Variants in RASGEF1C observed in about 807,000 individuals in gnomAD.
RASGEF1C encodes the protein RasGEF domain family member 1C, also known as ras-GEF domain-containing family member 1C.
In RASGEF1C, 27 loss-of-function variants were observed where a neutral mutation model predicts 58.1. The observed-to-expected ratio is 0.46, with a 90% CI of 0.34 to 0.64. The LOEUF (loss-of-function observed/expected upper bound fraction) is 0.64, where lower values mean the gene tolerates loss of function less well. RASGEF1C is among the 30% of genes least tolerant of loss of function. RASGEF1C has a pLI of 0.01. For missense variants in RASGEF1C, 502 were observed against 605.1 expected, an observed-to-expected ratio of 0.83 and a Z score of 1.79; for synonymous variants, 243 against 246.3, an observed-to-expected ratio of 0.99 and a Z score of 0.13.
chr5:180,193,836 GCA>G (rs1756212224), intron 1 of RASGEF1C, among the ~76,000 whole-genome samples: 3 of 152,028 alleles, frequency 2.0e-5, no homozygotes, highest in African/African-American at 7.2e-5. Context: ...TGAAGTTTAC[GCA>G]GACAAAGTCC....
chr5:180,130,614 T>C lies in RASGEF1C; in HGVS notation c.439-2004A>G, dbSNP rs554116763. The stretch of plus-strand genomic sequence containing the variant: ...TGGGCCCTCCTGTCACCAAAGCCAG[T>C]GGCCGTTTCTCAGGCTGCGTCTTCC... On this transcript the variant is annotated intron_variant, in intron 4 of 13. Coordinates refer to ENST00000361132, the MANE Select transcript of RASGEF1C (RefSeq NM_175062.4). 2.0e-5 allele frequency among the ~76,000 whole-genome samples: 3 copies of C among 152,220 alleles called. No homozygotes were observed. The East Asian group carries it at 5.8e-4, about 29-fold the overall frequency.
chr5:180,190,323 T>G (rs1756128871), intron 1 of RASGEF1C, among the ~76,000 whole-genome samples: 1 of 151,562 alleles, frequency 6.6e-6, no homozygotes, highest in African/African-American at 2.4e-5. Flanking sequence ...CCGTCTCTAC[T>G]AAAAACAAAA....
In RASGEF1C at chr5:180,143,580, G is replaced by T. The variant is rs1766617118; in HGVS notation, c.-6-5522C>A. 6.6e-6 allele frequency among the ~76,000 whole-genome samples: 1 copy of T among 152,228 alleles called. No individual in the cohort carries two copies. The highest frequency in any genetic ancestry group is 2.4e-5 in the African/African-American group (1 of 41,456). On this transcript the variant is annotated intron_variant, in intron 1 of 13. Coordinates refer to ENST00000361132, the MANE Select transcript of RASGEF1C (RefSeq NM_175062.4). The surrounding 1 kb of genome is among the most constrained non-coding windows in gnomAD (Gnocchi z 4.3). ...ACCCACAAGCTCTGCTGTGCTCTGG[G>T]AGCTGGCGTGCTCAGACCTTCCTGG...
rs949652785 is a variant in RASGEF1C at position 180,168,441 on chromosome 5, A to G, written c.-6-30383T>C. Among the ~76,000 whole-genome samples the G allele has an allele frequency of 6.6e-6, 1 of 152,154 alleles. No homozygotes were observed. Among genetic ancestry groups the G allele is most frequent in the East Asian group, 1.9e-4 (1 of 5,194 alleles). ...AGAGCGAAACTCCATCTCAAAATAA[A>G]TAAACAAAAAAAACAACAACCAAAA... On this transcript the variant is annotated intron_variant, in intron 1 of 13. Coordinates refer to ENST00000361132, the MANE Select transcript of RASGEF1C (RefSeq NM_175062.4). The surrounding 1 kb of genome is among the most constrained non-coding windows in gnomAD (Gnocchi z 6.0).
In RASGEF1C at chr5:180,177,138, G is replaced by A. The variant is rs762350331; in HGVS notation, c.-7+31890C>T. On this transcript the variant is annotated intron_variant, in intron 1 of 13. Transcript: ENST00000361132. This position sits in a 1 kb window ranked among gnomAD's most constrained non-coding sequence, Gnocchi z 5.0. ...AGAGGTGAGACTCTCAGAGCCTGAC[G>A]GAGGGGCTGGATGAGGGGCAGTGGG... Among the ~76,000 whole-genome samples, 5 of 152,176 alleles carry A rather than the reference G, an allele frequency of 3.3e-5. No individual in the cohort carries two copies. Among genetic ancestry groups the A allele is most frequent in the East Asian group, 1.9e-4 (1 of 5,190 alleles).
chr5:180,126,367 C>A (rs921770530), intron 6 of RASGEF1C, among the ~76,000 whole-genome samples: 4 of 151,856 alleles, frequency 2.6e-5, no homozygotes, highest in South Asian at 2.1e-4. Flanking sequence ...AGACCGCGCC[C>A]CTGCACTCCA....
chr5:180,113,229 A>AGGATGGACGGAGGGACC (rs1765995110), intron 11 of RASGEF1C, among the ~76,000 whole-genome samples: 1 of 17,686 alleles, frequency 5.7e-5, no homozygotes, highest in Non-Finnish European at 1.2e-4. Context: ...ACGGAGGGAC[A>AGGATGGACGGAGGGACC]GGGGATGGAC....
chr5:180,188,846 T>C (rs1489417408), intron 1 of RASGEF1C, among the ~76,000 whole-genome samples: 1 of 152,150 alleles, frequency 6.6e-6, no homozygotes, highest in Non-Finnish European at 1.5e-5. Flanking sequence ...CCTCTAGTAG[T>C]CCTCAGTGTC....
At chr5:180,181,477 G>A (rs994359428) in intron 1 of RASGEF1C, among the ~76,000 whole-genome samples, 4 of 152,196 alleles carry the variant, frequency 2.6e-5, no homozygotes, top group Admixed American at 1.3e-4. Flanking sequence ...ACACTGGAGT[G>A]GAGTGGAGTG....
chr5:180,188,952 CAAAA>C (rs1043883570), intron 1 of RASGEF1C, among the ~76,000 whole-genome samples: 20 of 151,870 alleles, frequency 1.3e-4, no homozygotes, highest in African/African-American at 4.6e-4. Context: ...TATAATAAGA[CAAAA>C]GAAAGAAAGA....
intron 1 of RASGEF1C, among the ~76,000 whole-genome samples, chr5:180,190,506 A>AATAATAATAATAAT (rs1554115710): frequency 1.0e-5 from 1 of 97,570 alleles, no homozygotes; most frequent in Non-Finnish European, 2.1e-5. Context: ...AAAAAAAAAA[A>AATAATAATAATAAT]AATAATAATA....
At chr5:180,102,299 C>A (rs963819587) in intron 12 of RASGEF1C, among the ~76,000 whole-genome samples, 156 bp from the exon 13 acceptor site, 16 of 151,892 alleles carry the variant, frequency 1.1e-4, no homozygotes, top group African/African-American at 3.6e-4. Flanking sequence ...GTCTTAACGA[C>A]AGTAGTTCTA....
At chr5:180,132,044 G>A (rs1766378347) in intron 4 of RASGEF1C, among the ~76,000 whole-genome samples, 1 of 152,172 alleles carries the variant, frequency 6.6e-6, no homozygotes, top group Admixed American at 6.5e-5. Context: ...ATAGGAGCTT[G>A]GAGATCTCGC....
At chr5:180,153,547 G>C (rs138015718) in intron 1 of RASGEF1C, among the ~76,000 whole-genome samples, 10 of 152,276 alleles carry the variant, frequency 6.6e-5, no homozygotes, top group African/African-American at 2.2e-4. Flanking sequence ...ATGGAATCCT[G>C]ATGCCTGCTA....
At chr5:180,182,288 C>G (rs929889611) in intron 1 of RASGEF1C, among the ~76,000 whole-genome samples, 53 of 145,642 alleles carry the variant, frequency 3.6e-4, no homozygotes, top group African/African-American at 1.3e-3. Context: ...GGTGGTGTGT[C>G]TGGAGTTTCT....
At chr5:180,147,794 T>G (rs1330348045) in intron 1 of RASGEF1C, among the ~76,000 whole-genome samples, 1 of 152,228 alleles carries the variant, frequency 6.6e-6, no homozygotes. Flanking sequence ...GTTCTGTATA[T>G]GTCTGTTAGA....
chr5:180,126,385 C>T (rs1336354090), intron 6 of RASGEF1C, among the ~76,000 whole-genome samples: 9 of 151,964 alleles, frequency 5.9e-5, no homozygotes, highest in Non-Finnish European at 8.8e-5. Flanking sequence ...CCAGCCTGGG[C>T]GACAGAGTGA....
chr5:180,118,499 G>A (rs1000860664), intron 10 of RASGEF1C, 110 bp downstream of exon 10: 3 of 1,013,132 alleles, frequency 3.0e-6, no homozygotes, highest in African/African-American at 3.2e-5. Context: ...AAGGAGACCT[G>A]GCTGTCTATT....
intron 1 of RASGEF1C, among the ~76,000 whole-genome samples, chr5:180,171,419 C>T: frequency 6.6e-6 from 1 of 152,116 alleles, no homozygotes; most frequent in East Asian, 1.9e-4. Context: ...TCCAACCCGC[C>T]CATGAGAAGA....
Sources: gnomAD v4.1 joint callset for allele counts (sites outside exome capture counted in the v4.1 genomes callset) on GRCh38, gnomAD v4.1.1 for gene constraint, Gnocchi (gnomAD v3.1) non-coding constraint, MANE v1.5 for transcripts, NCBI Gene and HGNC (gene_info 2026-07-23, HGNC 2026-07-21) for gene names.